The following SAMD12 variants were observed in gnomAD, a reference collection of about 807,000 sequenced individuals.
The protein encoded by SAMD12 is sterile alpha motif domain containing 12.
A neutral mutation model predicts 15.0 loss-of-function variants in SAMD12; 9 were observed. The observed-to-expected ratio is 0.60, with a 90% CI of 0.36 to 1.05. The LOEUF (loss-of-function observed/expected upper bound fraction) is 1.05, where lower values mean the gene tolerates loss of function less well. SAMD12 is among the 50% of genes least tolerant of loss of function. The pLI, the probability that SAMD12 is intolerant of heterozygous loss-of-function variation, is 0.01. For missense variants in SAMD12, 230 were observed against 234.2 expected (o/e 0.98, Z 0.12); for synonymous variants, 86 against 90.1 (o/e 0.96, Z 0.25).
chr8:118,348,456 C>T (rs1024038442), intron 4 of SAMD12, among the ~76,000 whole-genome samples: 2 of 152,022 alleles, frequency 1.3e-5, no homozygotes, highest in East Asian at 1.9e-4. Flanking sequence ...CCGCAAGCTC[C>T]GCCCCCCGGG....
chr8:118,159,073 T>C, the SAMD12 span, among the ~76,000 whole-genome samples: 110,618 of 151,560 alleles, frequency 0.73, 41,905 homozygotes, highest in Non-Finnish European at 0.84. Context: ...CTTTTCCCCA[T>C]CCCCACTCCA....
chr8:118,520,734 A>G (rs930276155), intron 2 of SAMD12, among the ~76,000 whole-genome samples: 2 of 152,188 alleles, frequency 1.3e-5, no homozygotes, highest in Non-Finnish European at 2.9e-5. Flanking sequence ...TTTTTGCTTT[A>G]TCCAAATATC....
intron 2 of SAMD12, among the ~76,000 whole-genome samples, chr8:118,487,168 G>A (rs1824314586): frequency 6.6e-6 from 1 of 152,182 alleles, no homozygotes; most frequent in Non-Finnish European, 1.5e-5. Flanking sequence ...GACATGGTCA[G>A]CTTTCCCACC....
At chr8:118,133,020 A>ATCTATC in the SAMD12 span, among the ~76,000 whole-genome samples, 1 of 97,296 alleles carries the variant, frequency 1.0e-5, no homozygotes, top group South Asian at 3.3e-4. Flanking sequence ...ATATATATAT[A>ATCTATC]TATATATCTT....
At chr8:118,566,945 C>A (rs113546209) in intron 2 of SAMD12, among the ~76,000 whole-genome samples, 54 of 152,196 alleles carry the variant, frequency 3.5e-4, no homozygotes, top group Admixed American at 1.2e-3. Flanking sequence ...TTACAGGCAG[C>A]CAATTTGAAT....
chr8:118,292,349 G>GACACACACACACACACACACACAC (rs3052706), intron 4 of SAMD12, among the ~76,000 whole-genome samples: 10,355 of 137,330 alleles, frequency 0.075, 527 homozygotes, highest in Non-Finnish European at 0.095. Flanking sequence ...CAAACACACA[G>GACACACACACACACACACACACAC]ACACACACAC....
chr8:118,395,379 C>A (rs538875187), intron 3 of SAMD12, among the ~76,000 whole-genome samples: 3 of 152,126 alleles, frequency 2.0e-5, no homozygotes, highest in African/African-American at 7.2e-5. Context: ...TATTACAGAA[C>A]GTGTATCTCA....
intron 3 of SAMD12, among the ~76,000 whole-genome samples, 157 bp downstream of exon 3, chr8:118,439,675 G>A (rs917594142): frequency 2.0e-5 from 3 of 152,092 alleles, no homozygotes; most frequent in African/African-American, 4.8e-5. Context: ...TAAATAGCAT[G>A]GCTCACATGG....
At chr8:118,544,646 C>T (rs113160981) in intron 2 of SAMD12, among the ~76,000 whole-genome samples, 7 of 152,162 alleles carry the variant, frequency 4.6e-5, no homozygotes, top group African/African-American at 1.2e-4. Context: ...GAAAAACCGC[C>T]AAGATTCAGA....
intron 2 of SAMD12, among the ~76,000 whole-genome samples, chr8:118,484,073 T>C (rs1042625710): frequency 2.6e-5 from 4 of 152,182 alleles, no homozygotes; most frequent in Non-Finnish European, 4.4e-5. Flanking sequence ...ATACATGCTA[T>C]GAGGACAACA....
intron 4 of SAMD12, among the ~76,000 whole-genome samples, chr8:118,320,672 T>TGGGGGGGGGGG (rs71569763): frequency 3.3e-4 from 28 of 84,628 alleles, no homozygotes; most frequent in South Asian, 6.6e-4. Flanking sequence ...TGTCGTGGGG[T>TGGGGGGGGGGG]GGGGGGGGTG....
chr8:118,518,712 C>T (rs1315856546), intron 2 of SAMD12, among the ~76,000 whole-genome samples: 1 of 152,192 alleles, frequency 6.6e-6, no homozygotes, highest in Non-Finnish European at 1.5e-5. Flanking sequence ...CCCTACTACA[C>T]AACCATCATG....
In SAMD12 at chr8:118,379,145, A is replaced by G. The variant is rs964930205; in HGVS notation, c.*272T>C. 1.1e-5 allele frequency: 13 copies of G among 1,195,334 alleles called. No homozygotes were observed. The African/African-American group carries it at 1.8e-4, about 17-fold the overall frequency. The allele number at this position is 1,195,334 out of a possible 1,614,324, so 74.0% of individuals were successfully genotyped here. On this transcript the variant is annotated 3_prime_UTR_variant, in exon 4 of 4. Transcript: ENST00000314727. ...GTCATCGTAACTATTGAATCACTCA[A>G]ATGCTAAAGCGCCCTCACAATTGGC...
chr8:118,579,673 T>A (rs1312909234), intron 2 of SAMD12, among the ~76,000 whole-genome samples: 1 of 152,132 alleles, frequency 6.6e-6, no homozygotes, highest in Non-Finnish European at 1.5e-5. Context: ...TAAGGTGACC[T>A]TTTTCCTTAA....
At chr8:118,505,048 G>A (rs544175667) in intron 2 of SAMD12, among the ~76,000 whole-genome samples, 14 of 152,318 alleles carry the variant, frequency 9.2e-5, no homozygotes, top group African/African-American at 3.1e-4. Context: ...CATTTCTGTT[G>A]CTTTAAGCTA....
At chr8:118,518,447 A>G (rs933160386) in intron 2 of SAMD12, among the ~76,000 whole-genome samples, 3 of 152,102 alleles carry the variant, frequency 2.0e-5, no homozygotes, top group Non-Finnish European at 2.9e-5. Flanking sequence ...CTGAATAATA[A>G]CCTCTTTTAT....
intron 2 of SAMD12, among the ~76,000 whole-genome samples, chr8:118,489,708 A>G (rs896474619): frequency 2.2e-4 from 33 of 152,196 alleles, no homozygotes; most frequent in Non-Finnish European, 7.3e-5. Flanking sequence ...TCACATTAAA[A>G]ACTAATTTAA....
Position 118,379,618 on chromosome 8 carries a change from T to C in SAMD12, c.405A>G (p.Gln135=). 6.2e-7 allele frequency: 1 copy of C among 1,613,956 alleles called. No individual in the cohort carries two copies. The highest frequency in any genetic ancestry group is 8.5e-7 in the Non-Finnish European group (1 of 1,179,890). ...CTCGCACCTTCAGCTGGAGCACCTG[T>C]TGTAAGATGTGCTGCCGGAGGTTCT... is the stretch of plus-strand genomic sequence containing the variant. The part of the protein sequence containing the change: ...AQENLRQHIL[Q]QVLQLKVREE... Residue 135 remains glutamine (Q), a synonymous_variant, in exon 4 of 4, where the codon CAA becomes CAG. Transcript: ENST00000314727.
intron 1 of SAMD12, among the ~76,000 whole-genome samples, chr8:118,585,398 C>G (rs2131268038): frequency 6.6e-6 from 1 of 152,122 alleles, no homozygotes; most frequent in East Asian, 1.9e-4. Flanking sequence ...GTGAATGTGC[C>G]TAATGCCACT....
Sources: gnomAD v4.1 joint callset for allele counts (sites outside exome capture counted in the v4.1 genomes callset) on GRCh38, gnomAD v4.1.1 for gene constraint, MANE v1.5 for transcripts, NCBI Gene and HGNC (gene_info 2026-07-23, HGNC 2026-07-21) for gene names.